Variants in TOP3B observed in about 807,000 individuals in gnomAD.
The protein encoded by TOP3B is DNA topoisomerase III beta.
In TOP3B, 45 loss-of-function variants were observed where a neutral mutation model predicts 93.9. That is an observed-to-expected ratio of 0.48 (90% confidence interval 0.38 to 0.61). The LOEUF is 0.61. TOP3B is among the 20% of genes least tolerant of loss of function. The probability of loss-of-function intolerance (pLI) is 0.00; values close to 1 mark genes in which losing one functional copy is unlikely to be tolerated. For missense variants in TOP3B, 750 were observed against 1,156.1 expected (o/e 0.65, Z 5.09); for synonymous variants, 357 against 472.6 (o/e 0.76, Z 3.17).
chr22:21,968,503 G>A (rs2071502007), intron 7 of TOP3B, 116 bp downstream of exon 7: 1 of 1,354,678 alleles, frequency 7.4e-7, no homozygotes, highest in Non-Finnish European at 1.0e-6. Context: ...TCCAGGTACA[G>A]CCGTCCACAC....
At chr22:21,968,043 C>T (rs944319031) in intron 7 of TOP3B, 25 of 333,238 alleles carry the variant, frequency 7.5e-5, no homozygotes, top group Non-Finnish European at 1.3e-4. Context: ...GTATGGCCAC[C>T]GCCAGGGTCC....
Position 21,975,767 on chromosome 22 carries a change from T to G in TOP3B, c.-58A>C. 6.4e-7 allele frequency: 1 copy of G among 1,572,436 alleles called. No individual in the cohort carries two copies. Among genetic ancestry groups the G allele is most frequent in the East Asian group, 2.3e-5 (1 of 44,106 alleles). ...GCACTGGCAATGAAAAAGTTTAGAC[T>G]CCACTCTTCCGCAGCACAGCACTAT... On this transcript the variant is annotated 5_prime_UTR_variant, in exon 2 of 18. Coordinates refer to ENST00000357179, the MANE Select transcript of TOP3B (RefSeq NM_001282112.2).
rs766487130 is a variant in TOP3B, at chr22:21,962,847, G to A, written c.1251C>T (p.Ile417=). 1.1e-5 allele frequency: 17 copies of A among 1,613,926 alleles called. No individual in the cohort carries two copies. Among genetic ancestry groups the A allele is most frequent in the East Asian group, 8.9e-5 (4 of 44,886 alleles). ...ACTTGCAGTCATGGCTGACCGTGGCGATGAAGTGTCTGGTGATGTACTCAT... is the reference window on the plus strand; with the variant it reads ...ACTTGCAGTCATGGCTGACCGTGGCAATGAAGTGTCTGGTGATGTACTCAT... ...RLYEYITRHF[I]ATVSHDCKYL... is the part of the protein sequence containing the mutation. The change falls in exon 12 of 18, where the codon ATC becomes ATT. Residue 417 remains isoleucine, a synonymous_variant. Coordinates refer to ENST00000357179, the MANE Select transcript of TOP3B (RefSeq NM_001282112.2).
chr22:21,979,706 C>T (rs748391636), intron 1 of TOP3B, among the ~76,000 whole-genome samples: 2 of 151,104 alleles, frequency 1.3e-5, no homozygotes, highest in Non-Finnish European at 2.9e-5. Context: ...CTTTGGGAGG[C>T]CAAGGTGGGC....
At chr22:21,961,198 C>A (rs983468847) in intron 13 of TOP3B, 1 of 152,340 alleles carries the variant, frequency 6.6e-6, no homozygotes, top group Non-Finnish European at 1.5e-5. Flanking sequence ...TGCCGAGGGC[C>A]CATGGCTCTT....
chr22:21,979,811 G>T (rs946503535), intron 1 of TOP3B, among the ~76,000 whole-genome samples: 5 of 151,906 alleles, frequency 3.3e-5, no homozygotes, highest in African/African-American at 2.4e-5. Context: ...CATGGTGGCA[G>T]GCGCCTGTAG....
At chr22:21,967,187 G>T (rs2071446328) in intron 8 of TOP3B, 1 of 179,188 alleles carries the variant, frequency 5.6e-6, no homozygotes, top group African/African-American at 2.4e-5. Context: ...GATTGCAATT[G>T]GAATCTCAAG....
rs190329867 is a variant in TOP3B at position 21,970,970 on chromosome 22, C to T, written c.385-564G>A. 2.8e-4 allele frequency: 348 copies of T among 1,238,312 alleles called. 1 individual carries two copies. The African/African-American group carries it at 3.6e-3, about 13-fold the overall frequency. 76.7% of individuals were successfully genotyped at this position (1,238,312 alleles called of 1,614,324 possible). A position where few individuals can be genotyped will look rare whatever the true frequency, so the allele number is the denominator to read the frequency against. On this transcript the variant is annotated intron_variant, in intron 5 of 17. Transcript: ENST00000357179. The surrounding 1 kb of genome is among the most constrained non-coding windows in gnomAD (Gnocchi z 4.4). ...TAAAGCACAGCAGGGGTCCTGGAGC[C>T]GAGACTCACTAGGAAGGCCGTGCAG...
rs569114688 is a variant in TOP3B at position 21,979,533 on chromosome 22, C to T, written c.-99+3197G>A. On this transcript the variant is annotated intron_variant, in intron 1 of 17. Coordinates refer to ENST00000357179, the MANE Select transcript of TOP3B (RefSeq NM_001282112.2). Reference sequence around the variant, plus strand: ...CGCTGGAGTGGCCTCAGGCTGGGCACGGTGGTGCCTGTGATGAACCACATC... The same window carrying T: ...CGCTGGAGTGGCCTCAGGCTGGGCATGGTGGTGCCTGTGATGAACCACATC... Among the ~76,000 whole-genome samples the T allele has an allele frequency of 7.9e-5, 12 of 152,172 alleles. No homozygotes were observed. In the South Asian group the frequency reaches 1.0e-3, roughly 13 times the overall value.
chr22:21,979,026 T>A (rs2084557001), intron 1 of TOP3B, among the ~76,000 whole-genome samples: 2 of 151,870 alleles, frequency 1.3e-5, no homozygotes, highest in African/African-American at 4.8e-5. Context: ...GCTGCACTTC[T>A]CTTGGTGGAG....
intron 4 of TOP3B, 29 bp downstream of exon 4, chr22:21,972,583 G>A: frequency 6.5e-7 from 1 of 1,540,718 alleles, no homozygotes; most frequent in Non-Finnish European, 8.9e-7. Flanking sequence ...GAGCCCCGGT[G>A]TGCTCATGCC....
intron 9 of TOP3B, chr22:21,964,581 A>G: frequency 1.9e-6 from 1 of 526,884 alleles, no homozygotes; most frequent in South Asian, 2.2e-5. Flanking sequence ...ACTCTACCCC[A>G]CGGTGCATCC....
chr22:21,971,291 T>TAG lies in TOP3B; in HGVS notation c.384+584_384+585dup, dbSNP rs201218821. 1.7e-5 allele frequency: 4 copies of TAG among 241,230 alleles called. No individual in the cohort carries two copies. The East Asian group carries it at 4.6e-4, about 28-fold the overall frequency. 14.9% of individuals were successfully genotyped at this position (241,230 alleles called of 1,614,324 possible). ...GGTACAGGAGCACGGGGGCGACCCA[T>TAG]AGAACAACAGTCTGAAGGGCACCAA... On this transcript the variant is annotated intron_variant, in intron 5 of 17. Coordinates refer to ENST00000357179, the MANE Select transcript of TOP3B (RefSeq NM_001282112.2). The surrounding 1 kb of genome is among the most constrained non-coding windows in gnomAD (Gnocchi z 4.6).
Position 21,971,823 on chromosome 22 carries a change from G to C in TOP3B, c.384+54C>G. 1.3e-6 allele frequency: 2 copies of C among 1,541,982 alleles called. No individual in the cohort carries two copies. Among genetic ancestry groups the C allele is most frequent in the African/African-American group, 2.7e-5 (2 of 73,522 alleles). On this transcript the variant is annotated intron_variant, in intron 5 of 17. Transcript: ENST00000357179. This position sits in a 1 kb window ranked among gnomAD's most constrained non-coding sequence, Gnocchi z 4.6. ...TGTGACTGACTGCTGGTGTCAGTTT[G>C]GGGCTGGTGTCAGAAAGGCCAAAAG...
chr22:21,967,004 C>T (rs1481576637), intron 8 of TOP3B: 1 of 153,594 alleles, frequency 6.5e-6, no homozygotes, highest in African/African-American at 2.4e-5. Context: ...GGCTGTGTCT[C>T]GACGGATCTG....
rs2071618239 is a variant in TOP3B at position 21,971,078 on chromosome 22, C to CG, written c.385-673_385-672insC. 2 of 1,301,386 alleles carry CG rather than the reference C, an allele frequency of 1.5e-6. No homozygotes were observed. The highest frequency in any genetic ancestry group is 2.0e-6 in the Non-Finnish European group (2 of 986,990). 80.6% of individuals were successfully genotyped at this position (1,301,386 alleles called of 1,614,324 possible). On this transcript the variant is annotated intron_variant, in intron 5 of 17. Transcript: ENST00000357179. This position sits in a 1 kb window ranked among gnomAD's most constrained non-coding sequence, Gnocchi z 4.6. ...GCTTCATTTCTGAAGGGAGAAAGCC[C>CG]CATGAGCTGCCCCCATTCTCCATTC... is the stretch of plus-strand genomic sequence containing the variant.
At position 21,974,528 on chromosome 22, in the gene TOP3B, T is replaced by G. The variant is rs767282088; in HGVS notation, c.71-40A>C. On this transcript the variant is annotated intron_variant, in intron 2 of 17. Coordinates refer to ENST00000357179, the MANE Select transcript of TOP3B (RefSeq NM_001282112.2). Reference sequence around the variant, plus strand: ...GCACAAAGTGACTGGCTGCTTCAGCTGAGCTGAAGACCCTGTGGAGACCCC... The same window carrying G: ...GCACAAAGTGACTGGCTGCTTCAGCGGAGCTGAAGACCCTGTGGAGACCCC... 1.9e-6 allele frequency: 3 copies of G among 1,556,528 alleles called. No individual in the cohort carries two copies. In the African/African-American group the frequency reaches 4.1e-5, roughly 21 times the overall value.
intron 2 of TOP3B, 93 bp from the exon 3 acceptor site, chr22:21,974,581 A>G: frequency 3.6e-6 from 5 of 1,378,598 alleles, no homozygotes; most frequent in Non-Finnish European, 4.9e-6. Flanking sequence ...CCAGAGGGCC[A>G]GAGTCCTCCT....
rs753599589 is a variant in TOP3B at position 21,970,227 on chromosome 22, G to A, written c.564C>T (p.Ile188=). 2.2e-5 allele frequency: 36 copies of A among 1,612,338 alleles called. No individual in the cohort carries two copies. Among genetic ancestry groups the A allele is most frequent in the Middle Eastern group, 1.7e-4 (1 of 5,994 alleles). ...VDARQELDLR[I]GCAFTRFQTK... ...GCCAGCACCTGGTGAATGCACAGCC[G>A]ATTCGCAGGTCCAGCTCCTGGCGAG... Residue 188 remains isoleucine, a synonymous_variant, in exon 6 of 18, where the codon ATC becomes ATT. Transcript: ENST00000357179. The surrounding 1 kb of genome is among the most constrained non-coding windows in gnomAD (Gnocchi z 4.4).
Sources: gnomAD v4.1 joint callset for allele counts (sites outside exome capture counted in the v4.1 genomes callset) on GRCh38, gnomAD v4.1.1 for gene constraint, Gnocchi (gnomAD v3.1) non-coding constraint, MANE v1.5 for transcripts, NCBI Gene and HGNC (gene_info 2026-07-23, HGNC 2026-07-21) for gene names.